LINGO2: variants seen among roughly 807,000 people sequenced by gnomAD.
LINGO2 encodes the protein leucine rich repeat and Ig domain containing 2, also known as leucine-rich repeat and immunoglobulin-like domain-containing nogo receptor-interacting protein 2.
A neutral mutation model predicts 30.6 loss-of-function variants in LINGO2; 14 were observed. The ratio of observed to expected loss-of-function variants is 0.46; its 90% confidence interval spans 0.30 to 0.72. The LOEUF is 0.72. Ranked by LOEUF, LINGO2 falls within the 30% of genes least tolerant of loss-of-function variation. The pLI is 0.07. For missense variants in LINGO2, 729 were observed against 751.7 expected (o/e 0.97, Z 0.35); for synonymous variants, 317 against 288.5 (o/e 1.10, Z -1.00).
chr9:29,049,620 A>G, the LINGO2 span, among the ~76,000 whole-genome samples: 5 of 152,194 alleles, frequency 3.3e-5, no homozygotes, highest in South Asian at 8.3e-4. Flanking sequence ...TTCAGTCATA[A>G]AAAAAATGAG....
chr9:28,750,157 T>C, the LINGO2 span, among the ~76,000 whole-genome samples: 1 of 152,154 alleles, frequency 6.6e-6, no homozygotes, highest in Non-Finnish European at 1.5e-5. Flanking sequence ...TTTTGTTATG[T>C]TTCTGGCATT....
intron 1 of LINGO2, among the ~76,000 whole-genome samples, chr9:28,638,440 G>T (rs1172315074): frequency 6.6e-6 from 1 of 152,004 alleles, no homozygotes; most frequent in Non-Finnish European, 1.5e-5. Context: ...CTGTGAATCC[G>T]TCTGGTCCTG....
intron 3 of LINGO2, among the ~76,000 whole-genome samples, chr9:28,346,743 T>C (rs113319561): frequency 2.0e-5 from 3 of 152,306 alleles, no homozygotes; most frequent in South Asian, 2.1e-4. Context: ...TGTGGGATCA[T>C]AGCTCATTAT....
the LINGO2 span, among the ~76,000 whole-genome samples, chr9:29,079,481 C>G: frequency 7.2e-5 from 11 of 152,016 alleles, no homozygotes; most frequent in East Asian, 1.9e-3. Flanking sequence ...TCTAGATATA[C>G]ACATTTTCAG....
chr9:27,945,348 G>T (rs72722826), downstream of LINGO2, among the ~76,000 whole-genome samples: 1 of 152,054 alleles, frequency 6.6e-6, no homozygotes, highest in Admixed American at 6.6e-5. Context: ...ACAGAAGACT[G>T]CAACTTCTGG....
the LINGO2 span, among the ~76,000 whole-genome samples, chr9:28,883,628 G>GTGTATATATA: frequency 4.2e-4 from 27 of 64,156 alleles, no homozygotes; most frequent in South Asian, 1.3e-3. Flanking sequence ...ATGTGTGTGT[G>GTGTATATATA]TATATATATA....
the LINGO2 span, among the ~76,000 whole-genome samples, chr9:28,943,167 G>T: frequency 6.6e-6 from 1 of 152,156 alleles, no homozygotes; most frequent in Non-Finnish European, 1.5e-5. Context: ...GTCCCAGAAT[G>T]CTAGTGTCAT....
At chr9:28,778,047 T>C in the LINGO2 span, among the ~76,000 whole-genome samples, 2 of 152,122 alleles carry the variant, frequency 1.3e-5, no homozygotes, top group Non-Finnish European at 2.9e-5. Flanking sequence ...TGATTGATAG[T>C]GGCATAGAAG....
At chr9:28,025,399 G>T (rs926593059) in intron 4 of LINGO2, among the ~76,000 whole-genome samples, 2 of 152,188 alleles carry the variant, frequency 1.3e-5, no homozygotes, top group Non-Finnish European at 2.9e-5. Flanking sequence ...TCTTTTGGCA[G>T]CGCTTGCAGG....
chr9:28,396,168 T>C (rs1056743423), intron 2 of LINGO2, among the ~76,000 whole-genome samples: 2 of 152,114 alleles, frequency 1.3e-5, no homozygotes, highest in African/African-American at 2.4e-5. Flanking sequence ...CAGACACTTA[T>C]ATAGAAATTA....
In LINGO2 at chr9:28,551,217, T is replaced by C. The variant is rs149274781; in HGVS notation, c.-364-75192A>G. ...TAAAATAAAACTAGAATATCTGAAA[T>C]AGGCCCATCTCTTAGAATTTAGTAT... On this transcript the variant is annotated intron_variant, in intron 1 of 5. Coordinates refer to ENST00000379992, the Ensembl canonical transcript of LINGO2. Among the ~76,000 whole-genome samples, 35 of 151,980 alleles carry C rather than the reference T, an allele frequency of 2.3e-4. No homozygotes were observed. The East Asian group carries it at 6.4e-3, about 28-fold the overall frequency.
chr9:28,019,728 A>T (rs559619574), intron 4 of LINGO2, among the ~76,000 whole-genome samples: 1 of 152,114 alleles, frequency 6.6e-6, no homozygotes, highest in African/African-American at 2.4e-5. Context: ...TGCAAAAGCA[A>T]TATTTTTTCT....
At chr9:28,189,705 A>AGGAAGGAAGGGAGGGAGGG (rs1819742964) in intron 4 of LINGO2, among the ~76,000 whole-genome samples, 1 of 129,570 alleles carries the variant, frequency 7.7e-6, no homozygotes, top group African/African-American at 3.0e-5. Flanking sequence ...GGGAGGGAGG[A>AGGAAGGAAGGGAGGGAGGG]AGGAAGGAAG....
intron 4 of LINGO2, among the ~76,000 whole-genome samples, chr9:28,056,094 T>G (rs866970487): frequency 2.6e-5 from 4 of 152,172 alleles, no homozygotes; most frequent in African/African-American, 9.6e-5. Flanking sequence ...CCGCTTTCAG[T>G]GAGCAAAGGC....
At chr9:28,099,498 G>A (rs1166614369) in intron 4 of LINGO2, among the ~76,000 whole-genome samples, 10 of 152,016 alleles carry the variant, frequency 6.6e-5, no homozygotes, top group Non-Finnish European at 1.5e-5. Context: ...TCAATGAAGA[G>A]TTCTCACTGA....
chr9:29,081,793 C>A, the LINGO2 span, among the ~76,000 whole-genome samples: 1 of 151,900 alleles, frequency 6.6e-6, no homozygotes, highest in Admixed American at 6.6e-5. Flanking sequence ...CAATAACAGA[C>A]AGAGAGCCAA....
the LINGO2 span, among the ~76,000 whole-genome samples, chr9:28,684,411 G>A: frequency 6.6e-6 from 1 of 150,738 alleles, no homozygotes; most frequent in Non-Finnish European, 1.5e-5. Flanking sequence ...GGATGGTCAC[G>A]ATCTCCTGAC....
chr9:28,829,269 C>T, the LINGO2 span, among the ~76,000 whole-genome samples: 1 of 152,134 alleles, frequency 6.6e-6, no homozygotes, highest in African/African-American at 2.4e-5. Context: ...CCCCTTCCCG[C>T]TGAGAGCCAC....
At chr9:28,790,704 T>A in the LINGO2 span, among the ~76,000 whole-genome samples, 1 of 152,168 alleles carries the variant, frequency 6.6e-6, no homozygotes, top group African/African-American at 2.4e-5. Flanking sequence ...ACAGTGAATT[T>A]TGAGAGACAG....
Sources: allele counts gnomAD v4.1 joint callset (sites outside exome capture counted in the v4.1 genomes callset), GRCh38; gene constraint gnomAD v4.1.1; transcripts MANE v1.5; gene names NCBI Gene and HGNC (gene_info 2026-07-23, HGNC 2026-07-21).